The following ASAP1 variants were observed in gnomAD, a reference collection of about 807,000 sequenced individuals.
The protein encoded by ASAP1 is ArfGAP with SH3 domain, ankyrin repeat and PH domain 1, also known as arf-GAP with SH3 domain, ANK repeat and PH domain-containing protein 1.
A neutral mutation model predicts 145.2 loss-of-function variants in ASAP1; 43 were observed. The ratio of observed to expected loss-of-function variants is 0.30; its 90% CI spans 0.23 to 0.38. The LOEUF (loss-of-function observed/expected upper bound fraction) is 0.38. ASAP1 is among the 10% of genes least tolerant of loss of function. The pLI is 1.00. For missense variants in ASAP1, 1,018 were observed against 1,355.3 expected (o/e 0.75, Z 3.91); for synonymous variants, 546 against 515.5 (o/e 1.06, Z -0.80).
At chr8:130,211,439 C>A (rs890969433) in intron 5 of ASAP1, among the ~76,000 whole-genome samples, 1 of 152,162 alleles carries the variant, frequency 6.6e-6, no homozygotes. Context: ...AGGAAAAAAA[C>A]CCGAAGCATC....
intron 7 of ASAP1, among the ~76,000 whole-genome samples, chr8:130,181,434 T>G (rs1270744747): frequency 6.6e-6 from 1 of 152,232 alleles, no homozygotes; most frequent in Non-Finnish European, 1.5e-5. Context: ...GAGGCTTTCC[T>G]TGAATATCGA....
At chr8:130,399,774 T>C (rs1370288251) in intron 2 of ASAP1, among the ~76,000 whole-genome samples, 2 of 151,920 alleles carry the variant, frequency 1.3e-5, no homozygotes, top group African/African-American at 2.4e-5. Context: ...TACCCCTTTT[T>C]CATGGATAAG....
intron 5 of ASAP1, among the ~76,000 whole-genome samples, chr8:130,197,995 C>CA (rs1214209364): frequency 6.6e-6 from 1 of 152,196 alleles, no homozygotes; most frequent in Non-Finnish European, 1.5e-5. Context: ...GCCCCTAATA[C>CA]ACCCCATGTC....
intron 29 of ASAP1, among the ~76,000 whole-genome samples, chr8:130,056,323 C>A (rs1370795676): frequency 6.6e-6 from 1 of 152,206 alleles, no homozygotes; most frequent in Non-Finnish European, 1.5e-5. Flanking sequence ...GGGGCTGGCC[C>A]CACTCTGCTG....
intron 3 of ASAP1, among the ~76,000 whole-genome samples, chr8:130,239,039 T>C (rs1818374370): frequency 6.6e-6 from 1 of 152,124 alleles, no homozygotes. Flanking sequence ...TGTAAAGAGT[T>C]ACAATAAATG....
intron 2 of ASAP1, among the ~76,000 whole-genome samples, chr8:130,395,160 G>A (rs1428516471): frequency 6.6e-6 from 1 of 152,188 alleles, no homozygotes; most frequent in Non-Finnish European, 1.5e-5. Flanking sequence ...CTCACTCAGA[G>A]TAACACAGAG....
chr8:130,256,742 TATATATATATATATATATATA>T (rs1819549281), intron 3 of ASAP1, among the ~76,000 whole-genome samples: 3 of 24,394 alleles, frequency 1.2e-4, no homozygotes, highest in East Asian at 2.2e-3. Context: ...CACATTCTTA[TATATATATATATATATATATA>T]TATATATATA....
chr8:130,131,153 A>AAAACAAACAAACAAAC (rs149995760), intron 15 of ASAP1, among the ~76,000 whole-genome samples: 4 of 149,190 alleles, frequency 2.7e-5, no homozygotes, highest in Admixed American at 1.3e-4. Context: ...CAAGACTCTG[A>AAAACAAACAAACAAAC]AAACAAACAA....
chr8:130,060,796 T>A lies in ASAP1; in HGVS notation c.2975A>T (p.Lys992Ile). 1 of 1,613,826 alleles carries A rather than the reference T, an allele frequency of 6.2e-7. No homozygotes were observed. The highest frequency in any genetic ancestry group is 8.5e-7 in the Non-Finnish European group (1 of 1,179,828). ...TGCTAGCAGGTCTCCCAGCTGTGGTTTGGGGGGCAGGTCCTTCATCTGTGG... is the reference window on the plus strand; with the variant it reads ...TGCTAGCAGGTCTCCCAGCTGTGGTATGGGGGGCAGGTCCTTCATCTGTGG... ...PKPQMKDLPP[K>I]PQLGDLLAKS... Residue 992 changes from lysine to isoleucine, a missense_variant, in exon 28 of 30, where the codon AAA (lysine) becomes ATA (isoleucine). Physicochemically the swap from Lys to Ile is moderately radical, Grantham distance 102. This residue lies in a region of ASAP1 where 139 missense variants were observed against 131.0 expected (regional missense o/e 1.06). Coordinates refer to ENST00000518721, the MANE Select transcript of ASAP1 (RefSeq NM_018482.4).
intron 1 of ASAP1, among the ~76,000 whole-genome samples, chr8:130,435,123 C>A (rs577582006): frequency 1.3e-5 from 2 of 152,206 alleles, no homozygotes; most frequent in East Asian, 1.9e-4. Context: ...TGTAACCTGG[C>A]GGGGAGGGTG....
At chr8:130,130,522 T>C (rs538076021) in intron 15 of ASAP1, among the ~76,000 whole-genome samples, 27 of 152,356 alleles carry the variant, frequency 1.8e-4, no homozygotes, top group African/African-American at 5.3e-4. Context: ...ACAGTGATCA[T>C]TTGTGACATT....
At chr8:130,373,849 G>GAAAAA (rs1170269915) in intron 2 of ASAP1, among the ~76,000 whole-genome samples, 2 of 50,898 alleles carry the variant, frequency 3.9e-5, no homozygotes, top group Non-Finnish European at 8.3e-5. Flanking sequence ...GGAGTCTCCA[G>GAAAAA]AAAAAAAAAA....
intron 24 of ASAP1, among the ~76,000 whole-genome samples, chr8:130,099,703 G>GTT: frequency 8.7e-6 from 1 of 115,394 alleles, no homozygotes. Flanking sequence ...TTTTTTTTGA[G>GTT]ACAGAGTCTT....
chr8:130,289,636 C>T (rs773630589), intron 3 of ASAP1, among the ~76,000 whole-genome samples: 5 of 152,066 alleles, frequency 3.3e-5, no homozygotes, highest in African/African-American at 7.2e-5. Context: ...ATACCATTCT[C>T]GAAGAAAGGA....
intron 3 of ASAP1, among the ~76,000 whole-genome samples, chr8:130,248,046 T>C (rs929397958): frequency 6.6e-5 from 10 of 152,042 alleles, no homozygotes; most frequent in Admixed American, 5.9e-4. Flanking sequence ...GAGTGACTGA[T>C]TGGTAGAAAA....
At chr8:130,208,580 A>T (rs1223641444) in intron 5 of ASAP1, 1 of 152,084 alleles carries the variant, frequency 6.6e-6, no homozygotes, top group Non-Finnish European at 1.5e-5. Flanking sequence ...ATAAAAGCTT[A>T]CAGGGGTATA....
chr8:130,083,587 T>TA (rs1181311244), intron 25 of ASAP1: 1 of 152,160 alleles, frequency 6.6e-6, no homozygotes, highest in Non-Finnish European at 1.5e-5. Context: ...ACAACCATGG[T>TA]ACCTACTACC....
At chr8:130,300,190 A>AGAGAGAGC (rs1206469856) in intron 3 of ASAP1, among the ~76,000 whole-genome samples, 1 of 148,268 alleles carries the variant, frequency 6.7e-6, no homozygotes, top group Non-Finnish European at 1.5e-5. Context: ...AGAGAGAGCG[A>AGAGAGAGC]GCGAGCGAGC....
intron 3 of ASAP1, among the ~76,000 whole-genome samples, chr8:130,319,161 A>G (rs1275969499): frequency 6.6e-6 from 1 of 152,252 alleles, no homozygotes; most frequent in Non-Finnish European, 1.5e-5. Context: ...ACCTTGGTGA[A>G]GAACACTAAG....
Sources: gnomAD v4.1 joint callset for allele counts (sites outside exome capture counted in the v4.1 genomes callset) on GRCh38, gnomAD v4.1.1 for gene constraint, gnomAD v4.1.1 regional missense constraint, MANE v1.5 for transcripts, NCBI Gene and HGNC (gene_info 2026-07-23, HGNC 2026-07-21) for gene names.